NHSL1: variants seen among roughly 807,000 people sequenced by gnomAD.
NHSL1 encodes NHS-like protein 1.
Under a neutral mutation model 95.0 loss-of-function variants are expected in NHSL1, and 48 were observed. That is an observed-to-expected ratio of 0.51 (90% CI 0.40 to 0.64). The LOEUF (loss-of-function observed/expected upper bound fraction) is 0.64. Ranked by LOEUF, NHSL1 falls within the 30% of genes least tolerant of loss-of-function variation. The pLI, the probability that NHSL1 is intolerant of heterozygous loss-of-function variation, is 0.00. For synonymous variants in NHSL1, 783 were observed against 833.9 expected (o/e 0.94, Z 1.05); for missense variants, 1,971 against 2,077.7 (o/e 0.95, Z 1.00).
intron 5 of NHSL1, among the ~76,000 whole-genome samples, chr6:138,437,583 AT>A (rs1463129551): frequency 6.6e-6 from 1 of 151,930 alleles, no homozygotes; most frequent in Non-Finnish European, 1.5e-5. Context: ...TCAAGTCTTA[AT>A]TTTGTAATGC....
intron 3 of NHSL1, among the ~76,000 whole-genome samples, chr6:138,471,318 T>C (rs921380889): frequency 6.6e-6 from 1 of 152,216 alleles, no homozygotes; most frequent in East Asian, 1.9e-4. Flanking sequence ...GGCCCCACTA[T>C]AAACTTCTCT....
At chr6:138,568,606 G>A (rs1469588159) in intron 1 of NHSL1, among the ~76,000 whole-genome samples, 1 of 152,112 alleles carries the variant, frequency 6.6e-6, no homozygotes, top group Admixed American at 6.5e-5. Context: ...AACGGGGATG[G>A]GATTCAAGAG....
chr6:138,617,623 C>T (rs1180138101), intron 1 of NHSL1, among the ~76,000 whole-genome samples: 2 of 152,214 alleles, frequency 1.3e-5, no homozygotes, highest in Non-Finnish European at 2.9e-5. Flanking sequence ...GCTTGTGGAA[C>T]AAATAGACAA....
chr6:138,648,128 A>G (rs1343284858), intron 1 of NHSL1, among the ~76,000 whole-genome samples: 1 of 152,190 alleles, frequency 6.6e-6, no homozygotes, highest in East Asian at 1.9e-4. Flanking sequence ...ATAGCTGATT[A>G]GCAAAATATA....
intron 1 of NHSL1, among the ~76,000 whole-genome samples, chr6:138,583,428 G>A (rs1381810994): frequency 6.6e-6 from 1 of 152,140 alleles, no homozygotes; most frequent in Non-Finnish European, 1.5e-5. Context: ...AAGGGTTAAA[G>A]GCTCCAAAAA....
intron 2 of NHSL1, among the ~76,000 whole-genome samples, chr6:138,485,928 A>G (rs1310744264): frequency 6.6e-6 from 1 of 152,168 alleles, no homozygotes; most frequent in Non-Finnish European, 1.5e-5. Context: ...CATCCTTTTC[A>G]CCAAAGAACT....
At chr6:138,610,706 A>AAT (rs1562391020) in intron 1 of NHSL1, among the ~76,000 whole-genome samples, 4 of 151,950 alleles carry the variant, frequency 2.6e-5, no homozygotes, top group African/African-American at 9.7e-5. Context: ...ACCTGGGGCA[A>AAT]TTGTCCACAC....
chr6:138,488,036 G>A (rs1779826697), intron 2 of NHSL1, among the ~76,000 whole-genome samples: 1 of 152,190 alleles, frequency 6.6e-6, no homozygotes, highest in Non-Finnish European at 1.5e-5. Context: ...CCAGCACTTT[G>A]GGAGGCTGAG....
At chr6:138,564,651 TAA>T (rs111960358) in intron 1 of NHSL1, among the ~76,000 whole-genome samples, 23 of 139,434 alleles carry the variant, frequency 1.6e-4, no homozygotes, top group African/African-American at 3.0e-4. Context: ...GCCTTGGGGA[TAA>T]AAAAAAAAAA....
chr6:138,606,737 C>CT (rs1401160993), intron 1 of NHSL1, among the ~76,000 whole-genome samples: 1 of 139,922 alleles, frequency 7.1e-6, no homozygotes, highest in African/African-American at 2.7e-5. Flanking sequence ...GAATCTCACT[C>CT]TGTTGCCCAG....
intron 1 of NHSL1, among the ~76,000 whole-genome samples, chr6:138,536,053 G>A (rs1041145570): frequency 7.9e-5 from 12 of 152,124 alleles, no homozygotes; most frequent in African/African-American, 2.9e-4. Flanking sequence ...TTAAAAAGAG[G>A]GCAAGGGAAA....
chr6:138,625,686 C>G lies in NHSL1; in HGVS notation c.96+66790G>C, dbSNP rs186592707. Among the ~76,000 whole-genome samples, 687 of 151,544 alleles carry G rather than the reference C, an allele frequency of 4.5e-3. 4 individuals carry two copies. The highest frequency in any genetic ancestry group is 0.016 in the African/African-American group (643 of 41,288). On this transcript the variant is annotated intron_variant, in intron 1 of 3. Coordinates refer to the NHSL1 transcript ENST00000491526. Reference sequence around the variant, plus strand: ...TTAGAGACAAAGTCTTGCTGTCACCCAGACTTGAATGCAGTGCAGTGATCA... The same window carrying G: ...TTAGAGACAAAGTCTTGCTGTCACCGAGACTTGAATGCAGTGCAGTGATCA...
upstream of NHSL1, among the ~76,000 whole-genome samples, chr6:138,577,007 C>T (rs1375330383): frequency 2.6e-5 from 4 of 152,188 alleles, no homozygotes; most frequent in African/African-American, 9.7e-5. Flanking sequence ...CTAGAATCAT[C>T]TCCTTTGGGA....
At chr6:138,530,861 A>T (rs1027003359) in intron 1 of NHSL1, among the ~76,000 whole-genome samples, 1 of 152,226 alleles carries the variant, frequency 6.6e-6, no homozygotes, top group Non-Finnish European at 1.5e-5. Context: ...TAGGGTATAC[A>T]CTGCTCAGGT....
intron 1 of NHSL1, among the ~76,000 whole-genome samples, chr6:138,525,062 T>C (rs1445889526): frequency 6.6e-6 from 1 of 152,194 alleles, no homozygotes; most frequent in African/African-American, 2.4e-5. Context: ...TGGCCCACCA[T>C]GGACATTTCT....
chr6:138,583,768 G>A (rs1041723549), intron 1 of NHSL1, among the ~76,000 whole-genome samples: 1 of 152,038 alleles, frequency 6.6e-6, no homozygotes, highest in East Asian at 1.9e-4. Context: ...ATCTAATCTG[G>A]CTTGATTAGA....
intron 1 of NHSL1, among the ~76,000 whole-genome samples, chr6:138,519,271 G>GA (rs1027914085): frequency 6.6e-6 from 1 of 151,010 alleles, no homozygotes; most frequent in African/African-American, 2.4e-5. Context: ...AAAAGAAAGT[G>GA]AATCTTCAAA....
intron 1 of NHSL1, among the ~76,000 whole-genome samples, chr6:138,514,128 C>T (rs1034787081): frequency 1.3e-5 from 2 of 151,916 alleles, no homozygotes; most frequent in African/African-American, 2.4e-5. Flanking sequence ...ACCAGCCTGA[C>T]CGACATGGTG....
chr6:138,661,703 T>C (rs1229690075), intron 1 of NHSL1, among the ~76,000 whole-genome samples: 1 of 151,876 alleles, frequency 6.6e-6, no homozygotes, highest in African/African-American at 2.4e-5. Context: ...ACACCACAAC[T>C]AATTCTGTTA....
Sources: gnomAD v4.1 joint callset for allele counts (sites outside exome capture counted in the v4.1 genomes callset) on GRCh38, gnomAD v4.1.1 for gene constraint, MANE v1.5 for transcripts, NCBI Gene and HGNC (gene_info 2026-07-23, HGNC 2026-07-21) for gene names.